The following ARHGEF28 variants were observed in gnomAD, a reference collection of about 807,000 sequenced individuals.
The protein encoded by ARHGEF28 is 190 kDa guanine nucleotide exchange factor.
A neutral mutation model predicts 206.6 loss-of-function variants in ARHGEF28; 152 were observed. That is an observed-to-expected ratio of 0.74 (90% CI 0.64 to 0.84). ARHGEF28 has a LOEUF of 0.84. ARHGEF28 is among the 40% of genes least tolerant of loss of function. ARHGEF28 has a pLI of 0.00. For synonymous variants in ARHGEF28, 763 were observed against 776.4 expected, an observed-to-expected ratio of 0.98 and a Z score of 0.29; for missense variants, 2,028 against 2,073.2, an observed-to-expected ratio of 0.98 and a Z score of 0.42.
At chr5:73,761,537 A>G (rs930872373) in intron 4 of ARHGEF28, among the ~76,000 whole-genome samples, 1 of 152,118 alleles carries the variant, frequency 6.6e-6, no homozygotes, top group Non-Finnish European at 1.5e-5. Flanking sequence ...GTCCCCCTTT[A>G]CTTGGCCCAG....
intron 1 of ARHGEF28, among the ~76,000 whole-genome samples, chr5:73,646,631 C>T (rs941715280): frequency 6.6e-6 from 1 of 152,166 alleles, no homozygotes; most frequent in African/African-American, 2.4e-5. Context: ...GCTTCTGGCC[C>T]TTCGGATCAA....
At chr5:73,729,916 C>T (rs1365300567) in intron 2 of ARHGEF28, among the ~76,000 whole-genome samples, 4 of 152,054 alleles carry the variant, frequency 2.6e-5, no homozygotes, top group Admixed American at 2.6e-4. Flanking sequence ...AATTCGAGTC[C>T]CAGCTGTGAC....
chr5:73,780,626 C>A, intron 6 of ARHGEF28, 50 bp from the exon 7 acceptor site: 1 of 1,516,474 alleles, frequency 6.6e-7, no homozygotes. Context: ...TCTGGAACCT[C>A]AAATGGTTTT....
chr5:73,707,256 A>G (rs143931817), intron 2 of ARHGEF28, among the ~76,000 whole-genome samples: 1 of 152,334 alleles, frequency 6.6e-6, no homozygotes, highest in East Asian at 1.9e-4. Context: ...TGACCAGAGC[A>G]GAGAGGCAAA....
intron 1 of ARHGEF28, among the ~76,000 whole-genome samples, chr5:73,679,150 A>G (rs1295936931): frequency 6.6e-6 from 1 of 152,250 alleles, no homozygotes; most frequent in Admixed American, 6.5e-5. Flanking sequence ...TTAAATAAAA[A>G]AAGTTAGAAA....
chr5:73,836,133 A>G (rs1757617562), intron 10 of ARHGEF28, among the ~76,000 whole-genome samples: 2 of 152,058 alleles, frequency 1.3e-5, no homozygotes, highest in Admixed American at 1.3e-4. Flanking sequence ...TCTCTTTGGG[A>G]TAGTGATTCT....
At position 73,860,088 on chromosome 5, in the gene ARHGEF28, G is replaced by A. The variant is rs184871199; in HGVS notation, c.2047+1869G>A. Among the ~76,000 whole-genome samples the A allele has an allele frequency of 5.3e-5, 8 of 151,988 alleles. No homozygotes were observed. In the East Asian group the frequency reaches 7.7e-4, roughly 15 times the overall value. On this transcript the variant is annotated intron_variant, in intron 16 of 35. Transcript: ENST00000513042. ...TTTCAGGGATGTTTCCTTCTTTTCC[G>A]TGGCACACTACTCTTCTGTTTTACC...
intron 2 of ARHGEF28, among the ~76,000 whole-genome samples, chr5:73,687,584 A>T (rs1561333808): frequency 6.6e-6 from 1 of 152,044 alleles, no homozygotes; most frequent in Non-Finnish European, 1.5e-5. Flanking sequence ...GACAGAGCAG[A>T]CTCAAAACTG....
chr5:73,651,096 G>T (rs368926020), intron 1 of ARHGEF28, among the ~76,000 whole-genome samples: 34 of 152,286 alleles, frequency 2.2e-4, no homozygotes, highest in African/African-American at 7.9e-4. Flanking sequence ...GTAAGATTTC[G>T]TGAGAACTCA....
At chr5:73,802,330 T>A (rs773411313) in intron 9 of ARHGEF28, among the ~76,000 whole-genome samples, 2 of 152,162 alleles carry the variant, frequency 1.3e-5, no homozygotes, top group African/African-American at 2.4e-5. Context: ...AGGGAGTGGG[T>A]TGATATTTAC....
chr5:73,665,415 G>A (rs1745891166), intron 1 of ARHGEF28, among the ~76,000 whole-genome samples: 1 of 152,080 alleles, frequency 6.6e-6, no homozygotes, highest in Non-Finnish European at 1.5e-5. Flanking sequence ...TCAAACTCCT[G>A]GGCTCAAGAG....
At chr5:73,931,896 A>G (rs1424632949) in intron 35 of ARHGEF28, among the ~76,000 whole-genome samples, 1 of 152,226 alleles carries the variant, frequency 6.6e-6, no homozygotes, top group African/African-American at 2.4e-5. Flanking sequence ...AATATGTAGA[A>G]CAATGCCTGG....
At chr5:73,742,553 A>G (rs6887826) in intron 2 of ARHGEF28, among the ~76,000 whole-genome samples, 48,525 of 151,334 alleles carry the variant, frequency 0.32, 8,193 homozygotes, top group African/African-American at 0.42. Flanking sequence ...GGCCGGGCGC[A>G]GTGGCTCACG....
chr5:73,927,848 C>G (rs866022035), intron 35 of ARHGEF28, among the ~76,000 whole-genome samples: 2 of 152,144 alleles, frequency 1.3e-5, no homozygotes, highest in Admixed American at 6.5e-5. Context: ...GTATTCATAT[C>G]TGCACTAAAC....
chr5:73,774,244 A>G (rs1041419498), intron 5 of ARHGEF28, among the ~76,000 whole-genome samples: 1 of 152,224 alleles, frequency 6.6e-6, no homozygotes, highest in Non-Finnish European at 1.5e-5. Flanking sequence ...AAAGGTCTCA[A>G]AAGGCTCTGA....
Position 73,857,939 on chromosome 5 carries a change from T to C in ARHGEF28, c.1915-148T>C, listed in dbSNP as rs146828497. On this transcript the variant is annotated intron_variant, in intron 15 of 35. Transcript: ENST00000513042. Reference sequence around the variant, plus strand: ...TAAAGCCCAGAATATAACATTTAGGTGTTATGGTGTCCCTCTGTGTGCAGT... The same window carrying C: ...TAAAGCCCAGAATATAACATTTAGGCGTTATGGTGTCCCTCTGTGTGCAGT... The C allele has an allele frequency of 6.3e-4, 849 of 1,352,356 alleles. 3 individuals carry two copies. In the African/African-American group the frequency reaches 0.011, roughly 17 times the overall value. 83.8% of individuals were successfully genotyped at this position (1,352,356 alleles called of 1,614,324 possible). A position where few individuals can be genotyped will look rare whatever the true frequency, so the allele number is the denominator to read the frequency against.
chr5:73,675,014 C>G (rs1746566135), intron 1 of ARHGEF28, among the ~76,000 whole-genome samples: 1 of 152,164 alleles, frequency 6.6e-6, no homozygotes, highest in African/African-American at 2.4e-5. Flanking sequence ...GTGAGCCACA[C>G]TAGGAAATTA....
chr5:73,829,537 G>A (rs746192304), intron 9 of ARHGEF28, among the ~76,000 whole-genome samples: 3 of 151,994 alleles, frequency 2.0e-5, no homozygotes, highest in Admixed American at 6.6e-5. Context: ...GTGCCACCAT[G>A]CCCGGCTAAT....
chr5:73,667,879 C>G (rs963753413), intron 1 of ARHGEF28, among the ~76,000 whole-genome samples: 2 of 152,164 alleles, frequency 1.3e-5, no homozygotes, highest in African/African-American at 4.8e-5. Flanking sequence ...TCCACAAAGT[C>G]TTAAGACATG....
Sources: allele counts gnomAD v4.1 joint callset (sites outside exome capture counted in the v4.1 genomes callset), GRCh38; gene constraint gnomAD v4.1.1; transcripts MANE v1.5; gene names NCBI Gene and HGNC (gene_info 2026-07-23, HGNC 2026-07-21).